Variants in CCDC171 observed in about 807,000 individuals in gnomAD.
The protein encoded by CCDC171 is coiled-coil domain containing 171.
Under a neutral mutation model 168.2 loss-of-function variants are expected in CCDC171, and 177 were observed. That is an observed-to-expected ratio of 1.05 (90% confidence interval 0.93 to 1.19). CCDC171 has a LOEUF of 1.19. Ranked by LOEUF, CCDC171 falls within the 50% of genes most tolerant of loss-of-function variation. The pLI, the probability that CCDC171 is intolerant of heterozygous loss-of-function variation, is 0.00. For missense variants in CCDC171, 1,991 were observed against 1,539.0 expected (o/e 1.29, Z -4.91); for synonymous variants, 687 against 540.8 (o/e 1.27, Z -3.75).
At chr9:15,862,018 T>G (rs1447241516) in intron 23 of CCDC171, among the ~76,000 whole-genome samples, 1 of 151,576 alleles carries the variant, frequency 6.6e-6, no homozygotes, top group African/African-American at 2.4e-5. Flanking sequence ...TGTTCTTAGA[T>G]AGCATTCTTT....
intron 3 of CCDC171, among the ~76,000 whole-genome samples, chr9:15,981,613 C>T (rs958825534): frequency 5.9e-5 from 9 of 152,144 alleles, no homozygotes; most frequent in Admixed American, 2.0e-4. Context: ...TAAGTTGTAA[C>T]TACCTAAACA....
chr9:15,722,493 T>A (rs1252379911), intron 12 of CCDC171, among the ~76,000 whole-genome samples: 1 of 152,244 alleles, frequency 6.6e-6, no homozygotes, highest in African/African-American at 2.4e-5. Context: ...AAATGTTTTA[T>A]GAATTTGTGC....
chr9:15,734,071 AG>A (rs1197819248), intron 16 of CCDC171, among the ~76,000 whole-genome samples: 3 of 152,132 alleles, frequency 2.0e-5, no homozygotes, highest in African/African-American at 7.2e-5. Context: ...CACTGTACCC[AG>A]CTGCAGTTCA....
At chr9:16,024,594 G>A (rs556182166) in intron 6 of CCDC171, among the ~76,000 whole-genome samples, 1 of 152,342 alleles carries the variant, frequency 6.6e-6, no homozygotes, top group African/African-American at 2.4e-5. Flanking sequence ...GAGGAACTGT[G>A]TGCTACTTTC....
At position 15,917,893 on chromosome 9, in the gene CCDC171, T is replaced by G. The variant is rs74891160; in HGVS notation, c.3601-2377T>G. 4.0e-5 allele frequency among the ~76,000 whole-genome samples: 6 copies of G among 151,864 alleles called. No individual in the cohort carries two copies. In the East Asian group the frequency reaches 5.8e-4, roughly 15 times the overall value. On this transcript the variant is annotated intron_variant, in intron 24 of 25. Transcript: ENST00000380701. ...TTATACATTTTAGGTCCTTAGACAATAAAAGTATATATCTAAGAACCACAT... is the reference window on the plus strand; with the variant it reads ...TTATACATTTTAGGTCCTTAGACAAGAAAAGTATATATCTAAGAACCACAT...
At chr9:15,583,077 A>G (rs2041259936) in intron 4 of CCDC171, among the ~76,000 whole-genome samples, 2 of 152,166 alleles carry the variant, frequency 1.3e-5, no homozygotes, top group East Asian at 1.9e-4. Flanking sequence ...AATTGCAAAA[A>G]TATCGAACCA....
chr9:15,617,601 G>T (rs199772166), intron 6 of CCDC171, among the ~76,000 whole-genome samples: 1 of 151,938 alleles, frequency 6.6e-6, no homozygotes, highest in Non-Finnish European at 1.5e-5. Flanking sequence ...TAGTCTTGAT[G>T]TCCTGACCTC....
At chr9:15,569,227 C>A (rs2040002961) in intron 2 of CCDC171, among the ~76,000 whole-genome samples, 1 of 152,110 alleles carries the variant, frequency 6.6e-6, no homozygotes. Context: ...TCCTCCCATT[C>A]AGAGAGACAT....
intron 3 of CCDC171, among the ~76,000 whole-genome samples, chr9:16,010,209 A>G (rs1832829862): frequency 6.6e-6 from 1 of 152,138 alleles, no homozygotes; most frequent in Admixed American, 6.5e-5. Flanking sequence ...TACCTAGCCC[A>G]GCTCCTCCAC....
chr9:15,888,947 TTC>T, intron 24 of CCDC171: 1 of 129,842 alleles, frequency 7.7e-6, no homozygotes. Flanking sequence ...CATTTTTCTT[TTC>T]TTTTTTTTTT....
intron 7 of CCDC171, among the ~76,000 whole-genome samples, chr9:15,640,971 A>G (rs1305835850): frequency 1.3e-5 from 2 of 152,140 alleles, no homozygotes; most frequent in Non-Finnish European, 2.9e-5. Context: ...ATTAACATGC[A>G]TATAATAAAA....
At chr9:16,045,880 A>G (rs1833652325) in intron 1 of CCDC171, among the ~76,000 whole-genome samples, 1 of 152,062 alleles carries the variant, frequency 6.6e-6, no homozygotes, top group Non-Finnish European at 1.5e-5. Flanking sequence ...GGTTAGATAA[A>G]CCCAGGCTCT....
At chr9:15,940,046 G>A (rs192492578) in intron 25 of CCDC171, among the ~76,000 whole-genome samples, 5 of 151,852 alleles carry the variant, frequency 3.3e-5, no homozygotes, top group East Asian at 1.9e-4. Context: ...TACTCAATGC[G>A]TACACTCTTT....
At chr9:16,030,952 G>A (rs948936717) in intron 6 of CCDC171, among the ~76,000 whole-genome samples, 1 of 152,178 alleles carries the variant, frequency 6.6e-6, no homozygotes, top group Non-Finnish European at 1.5e-5. Context: ...ACCTTTGCCT[G>A]TGATTCAGCG....
At chr9:15,572,437 A>G (rs1025193347) in intron 3 of CCDC171, among the ~76,000 whole-genome samples, 1 of 152,202 alleles carries the variant, frequency 6.6e-6, no homozygotes, top group African/African-American at 2.4e-5. Context: ...CATTTACAAG[A>G]TGCGTCATCT....
chr9:15,633,153 A>T (rs1436793745), intron 7 of CCDC171, among the ~76,000 whole-genome samples: 1 of 152,248 alleles, frequency 6.6e-6, no homozygotes, highest in African/African-American at 2.4e-5. Context: ...AATGGCAAGA[A>T]AAGCCAAAAT....
chr9:15,865,849 C>CGT (rs71325944), intron 23 of CCDC171, among the ~76,000 whole-genome samples: 2,353 of 147,548 alleles, frequency 0.016, 58 homozygotes, highest in African/African-American at 0.051. Flanking sequence ...ACTCTGCGTG[C>CGT]GTGTGTGTGT....
intron 6 of CCDC171, among the ~76,000 whole-genome samples, chr9:15,611,322 G>A (rs907710843): frequency 5.3e-5 from 8 of 152,148 alleles, no homozygotes; most frequent in African/African-American, 1.9e-4. Context: ...TAGCCATGCA[G>A]GAACAGCCTA....
chr9:15,862,129 G>A (rs2061586358), intron 23 of CCDC171, among the ~76,000 whole-genome samples: 1 of 151,336 alleles, frequency 6.6e-6, no homozygotes, highest in African/African-American at 2.4e-5. Context: ...TCCCTTGTTT[G>A]TAATGAGTCA....
Sources: gnomAD v4.1 joint callset for allele counts (sites outside exome capture counted in the v4.1 genomes callset) on GRCh38, gnomAD v4.1.1 for gene constraint, MANE v1.5 for transcripts, NCBI Gene and HGNC (gene_info 2026-07-23, HGNC 2026-07-21) for gene names.